The following RARB variants were observed in gnomAD, a reference collection of about 807,000 sequenced individuals.
The protein encoded by RARB is retinoic acid receptor beta, also known as HBV-activated protein.
RARB carries 17 observed loss-of-function variants against 51.9 expected under a neutral mutation model. That is an observed-to-expected ratio of 0.33 (90% CI 0.22 to 0.49). The LOEUF is 0.49. RARB is among the 20% of genes least tolerant of loss of function. The probability of loss-of-function intolerance (pLI) is 0.99; values close to 1 mark genes in which losing one functional copy is unlikely to be tolerated. For synonymous variants in RARB, 215 were observed against 195.4 expected (o/e 1.10, Z -0.84); for missense variants, 369 against 550.8 (o/e 0.67, Z 3.30).
chr3:25,530,619 C>T (rs943051544), intron 3 of RARB, among the ~76,000 whole-genome samples: 1 of 152,346 alleles, frequency 6.6e-6, no homozygotes, highest in Middle Eastern at 3.4e-3. Context: ...CTGATTGTAA[C>T]TCTTCAGGCT....
chr3:25,218,073 T>C (rs1016447100), intron 5 of RARB, among the ~76,000 whole-genome samples: 2 of 152,182 alleles, frequency 1.3e-5, no homozygotes, highest in African/African-American at 2.4e-5. Flanking sequence ...CCCTTTGTTT[T>C]CTGAATAAAG....
chr3:25,596,685 C>G lies in RARB; in HGVS notation c.*69C>G, dbSNP rs534469545. ...CCAGGATTTAAAATGCAAGAAAAAA[C>G]ATTTTTACTGCTGCTTAGTTTTTGG... On this transcript the variant is annotated 3_prime_UTR_variant, in exon 8 of 8. Coordinates refer to ENST00000330688, the MANE Select transcript of RARB (RefSeq NM_000965.5). The G allele has an allele frequency of 1.5e-6, 2 of 1,342,666 alleles. No individual in the cohort carries two copies. Among genetic ancestry groups the G allele is most frequent in the Admixed American group, 4.5e-5 (2 of 43,978 alleles). 83.2% of individuals were successfully genotyped at this position (1,342,666 alleles called of 1,614,324 possible).
At chr3:25,584,285 G>A (rs74859600) in intron 5 of RARB, among the ~76,000 whole-genome samples, 35 of 152,156 alleles carry the variant, frequency 2.3e-4, no homozygotes, top group Admixed American at 1.8e-3. Flanking sequence ...TCATGGAGCC[G>A]ACCTTCTCCT....
chr3:24,859,457 C>T (rs1340530121), intron 2 of RARB, among the ~76,000 whole-genome samples: 1 of 152,180 alleles, frequency 6.6e-6, no homozygotes, highest in Non-Finnish European at 1.5e-5. Context: ...CGTTATTGTA[C>T]TCACCTGGAA....
chr3:25,388,615 A>G (rs1288163696), intron 5 of RARB, among the ~76,000 whole-genome samples: 1 of 152,238 alleles, frequency 6.6e-6, no homozygotes, highest in African/African-American at 2.4e-5. Flanking sequence ...GTAATAAATT[A>G]GCAGAAAGAA....
At chr3:25,461,489 C>T in intron 2 of RARB, 148 bp downstream of exon 2, 5 of 941,254 alleles carry the variant, frequency 5.3e-6, no homozygotes, top group Non-Finnish European at 7.6e-6. Context: ...GTTTTTATTA[C>T]TTCCTTATAT....
At chr3:24,852,612 C>T (rs564723394) in intron 1 of RARB, among the ~76,000 whole-genome samples, 2 of 152,028 alleles carry the variant, frequency 1.3e-5, no homozygotes, top group Non-Finnish European at 2.9e-5. Flanking sequence ...TAAATGTCCA[C>T]CGAATGGTGA....
At chr3:25,133,128 T>C (rs1699978595) in intron 4 of RARB, among the ~76,000 whole-genome samples, 1 of 152,000 alleles carries the variant, frequency 6.6e-6, no homozygotes, top group Non-Finnish European at 1.5e-5. Context: ...TAGACATTTT[T>C]ATCACGTCAT....
chr3:25,012,113 T>A (rs1697412041), intron 2 of RARB, among the ~76,000 whole-genome samples: 1 of 152,074 alleles, frequency 6.6e-6, no homozygotes. Flanking sequence ...ATTTCAGACA[T>A]GGACAGATTA....
intron 5 of RARB, among the ~76,000 whole-genome samples, chr3:25,298,998 C>G (rs970930897): frequency 2.6e-5 from 4 of 152,162 alleles, no homozygotes; most frequent in African/African-American, 9.7e-5. Flanking sequence ...GTTCACATCA[C>G]AGATATCATA....
intron 3 of RARB, among the ~76,000 whole-genome samples, chr3:25,518,111 G>A (rs1262938244): frequency 6.6e-5 from 10 of 152,036 alleles, no homozygotes; most frequent in African/African-American, 1.9e-4. Context: ...ATTTTAAAAG[G>A]GCAAATTTAT....
intron 5 of RARB, among the ~76,000 whole-genome samples, chr3:25,402,634 G>C (rs1468688993): frequency 6.6e-6 from 1 of 152,164 alleles, no homozygotes; most frequent in Non-Finnish European, 1.5e-5. Flanking sequence ...AAAAAAGAAT[G>C]ACATCCTGAC....
chr3:25,479,863 C>G (rs1696142908), intron 2 of RARB, among the ~76,000 whole-genome samples: 1 of 152,314 alleles, frequency 6.6e-6, no homozygotes, highest in South Asian at 2.1e-4. Context: ...GACTTCCTCC[C>G]TCCTCTTGCT....
chr3:25,457,471 TTACAA>T (rs1454470966), intron 1 of RARB, among the ~76,000 whole-genome samples: 1 of 152,218 alleles, frequency 6.6e-6, no homozygotes, highest in African/African-American at 2.4e-5. Flanking sequence ...TATTGATTAC[TTACAA>T]TAGAACATTT....
chr3:25,264,190 A>T (rs1311635850), intron 5 of RARB, among the ~76,000 whole-genome samples: 1 of 152,120 alleles, frequency 6.6e-6, no homozygotes, highest in Non-Finnish European at 1.5e-5. Flanking sequence ...TTTTCACTGA[A>T]TTCAAAGCTC....
chr3:25,254,157 A>G (rs1413623452), intron 5 of RARB, among the ~76,000 whole-genome samples: 1 of 152,190 alleles, frequency 6.6e-6, no homozygotes, highest in African/African-American at 2.4e-5. Flanking sequence ...ACATAACTTC[A>G]TGAGACATGT....
At chr3:24,922,450 C>T (rs1695235418) in intron 2 of RARB, among the ~76,000 whole-genome samples, 1 of 152,146 alleles carries the variant, frequency 6.6e-6, no homozygotes, top group African/African-American at 2.4e-5. Flanking sequence ...ATCATTTAAT[C>T]CTCACAGCAG....
intron 4 of RARB, among the ~76,000 whole-genome samples, chr3:25,166,121 T>C (rs1404191585): frequency 6.6e-6 from 1 of 152,138 alleles, no homozygotes; most frequent in Non-Finnish European, 1.5e-5. Context: ...CTCTTCCATC[T>C]CCTTTATTCC....
intron 1 of RARB, among the ~76,000 whole-genome samples, chr3:24,845,830 G>T (rs1702479576): frequency 6.6e-6 from 1 of 152,092 alleles, no homozygotes; most frequent in African/African-American, 2.4e-5. Flanking sequence ...AATTAATCCA[G>T]AGTCGATTTC....
Sources: allele counts gnomAD v4.1 joint callset (sites outside exome capture counted in the v4.1 genomes callset), GRCh38; gene constraint gnomAD v4.1.1; transcripts MANE v1.5; gene names NCBI Gene and HGNC (gene_info 2026-07-23, HGNC 2026-07-21).